MTX2: variants seen among roughly 807,000 people sequenced by gnomAD.
MTX2 encodes metaxin-2.
Under a neutral mutation model 42.3 loss-of-function variants are expected in MTX2, and 35 were observed. The observed-to-expected ratio is 0.83, with a 90% CI of 0.63 to 1.10. The LOEUF (loss-of-function observed/expected upper bound fraction) is 1.10. MTX2 is among the 50% of genes least tolerant of loss of function. The pLI is 0.00. For missense variants in MTX2, 307 were observed against 304.1 expected (o/e 1.01, Z -0.07); for synonymous variants, 119 against 100.9 (o/e 1.18, Z -1.08).
chr2:176,321,707 C>G (rs1013577352), intron 3 of MTX2, among the ~76,000 whole-genome samples: 3 of 152,086 alleles, frequency 2.0e-5, no homozygotes, highest in Admixed American at 6.6e-5. Context: ...AAGAAACTTC[C>G]CAGCAGTTGT....
chr2:176,298,345 T>C (rs1248884170), intron 3 of MTX2, among the ~76,000 whole-genome samples: 1 of 152,142 alleles, frequency 6.6e-6, no homozygotes, highest in African/African-American at 2.4e-5. Flanking sequence ...GGTAATCCTG[T>C]AGCAATGTTC....
intron 1 of MTX2, chr2:176,270,234 A>T (rs1002115499): frequency 1.9e-6 from 1 of 526,794 alleles, no homozygotes; most frequent in Non-Finnish European, 3.0e-6. Flanking sequence ...GCAGTGGCAC[A>T]ACCTGGGCTC....
At position 176,320,817 on chromosome 2, in the gene MTX2, C is replaced by CTT. The variant is rs374975554; in HGVS notation, c.136-2574_136-2573dup. Among the ~76,000 whole-genome samples, 262 of 151,748 alleles carry CTT rather than the reference C, an allele frequency of 1.7e-3. 2 individuals are homozygous for CTT. Among genetic ancestry groups the CTT allele is most frequent in the African/African-American group, 5.8e-3 (238 of 41,382 alleles). ...TCAAGCAATCTTCCCACCTCAGCCTCTTGAGTAGCTGAGACTAAAGGTGTG... is the reference window on the plus strand; with the variant it reads ...TCAAGCAATCTTCCCACCTCAGCCTCTTTTGAGTAGCTGAGACTAAAGGTGTG... On this transcript the variant is annotated intron_variant, in intron 3 of 9. Coordinates refer to ENST00000249442, the MANE Select transcript of MTX2 (RefSeq NM_006554.5).
intron 9 of MTX2, among the ~76,000 whole-genome samples, chr2:176,335,353 G>A (rs1558947662): frequency 6.6e-6 from 1 of 152,062 alleles, no homozygotes; most frequent in Non-Finnish European, 1.5e-5. Flanking sequence ...GCAGGCAGAG[G>A]CCAGATTATC....
chr2:176,291,905 G>A (rs1693337714), intron 1 of MTX2, among the ~76,000 whole-genome samples: 1 of 152,138 alleles, frequency 6.6e-6, no homozygotes, highest in Non-Finnish European at 1.5e-5. Flanking sequence ...GAGAGTCAAG[G>A]TTAGGGATGT....
chr2:176,320,651 A>G (rs560167496), intron 3 of MTX2, among the ~76,000 whole-genome samples: 1 of 151,906 alleles, frequency 6.6e-6, no homozygotes, highest in African/African-American at 2.4e-5. Context: ...TGACAAAAAC[A>G]GATCTCTCCA....
Position 176,308,600 on chromosome 2 carries a change from T to C in MTX2, c.135+10705T>C, listed in dbSNP as rs1027745011. 5.3e-5 allele frequency among the ~76,000 whole-genome samples: 8 copies of C among 152,344 alleles called. No homozygotes were observed. The South Asian group carries it at 1.7e-3, about 32-fold the overall frequency. On this transcript the variant is annotated intron_variant, in intron 3 of 9. Transcript: ENST00000249442. ...TATTGGTCTATTCAGAGATTCAGCT[T>C]CTTCCTGGTTTAGTCTTGGGAGGGT...
At chr2:176,314,064 A>G (rs952322588) in intron 3 of MTX2, among the ~76,000 whole-genome samples, 4 of 151,892 alleles carry the variant, frequency 2.6e-5, no homozygotes, top group African/African-American at 9.7e-5. Context: ...TTTTAACTTA[A>G]TGCAGTTAAA....
intron 4 of MTX2, among the ~76,000 whole-genome samples, chr2:176,324,775 A>G (rs534877574): frequency 6.6e-6 from 1 of 151,856 alleles, no homozygotes; most frequent in African/African-American, 2.4e-5. Context: ...TAAATATTCT[A>G]GAGACATACA....
intron 1 of MTX2, among the ~76,000 whole-genome samples, chr2:176,280,377 G>C (rs1364167922): frequency 6.6e-6 from 1 of 152,192 alleles, no homozygotes; most frequent in Non-Finnish European, 1.5e-5. Context: ...CTTCAGATGA[G>C]TCAACATTTT....
chr2:176,313,388 C>CTTTTTTTTTTTTTTTTTTTT (rs1207416607), intron 3 of MTX2, among the ~76,000 whole-genome samples: 3 of 103,492 alleles, frequency 2.9e-5, no homozygotes, highest in African/African-American at 1.2e-4. Flanking sequence ...TACACTGATT[C>CTTTTTTTTTTTTTTTTTTTT]TTTTTTTTTT....
chr2:176,337,243 C>T (rs1310011161), intron 9 of MTX2, among the ~76,000 whole-genome samples: 1 of 152,062 alleles, frequency 6.6e-6, no homozygotes, highest in Non-Finnish European at 1.5e-5. Flanking sequence ...GGTTTTGCCA[C>T]ATTGTTCAGG....
chr2:176,271,484 C>T (rs1252785250), intron 1 of MTX2, among the ~76,000 whole-genome samples: 1 of 152,014 alleles, frequency 6.6e-6, no homozygotes, highest in Non-Finnish European at 1.5e-5. Context: ...GAATCAAGGA[C>T]AAAGGATTGG....
intron 1 of MTX2, among the ~76,000 whole-genome samples, chr2:176,279,844 A>G (rs1558923993): frequency 6.6e-6 from 1 of 152,122 alleles, no homozygotes; most frequent in African/African-American, 2.4e-5. Context: ...ATATAAAATA[A>G]TTTTAATATT....
intron 1 of MTX2, among the ~76,000 whole-genome samples, chr2:176,292,148 T>C (rs149403559): frequency 6.6e-6 from 1 of 152,006 alleles, no homozygotes; most frequent in East Asian, 1.9e-4. Flanking sequence ...TTTAGAAACT[T>C]TCAGTCTCAC....
intron 9 of MTX2, among the ~76,000 whole-genome samples, chr2:176,337,241 C>T (rs1685012611): frequency 1.3e-5 from 2 of 152,038 alleles, no homozygotes; most frequent in South Asian, 4.2e-4. Context: ...GAGGTTTTGC[C>T]ACATTGTTCA....
intron 3 of MTX2, among the ~76,000 whole-genome samples, chr2:176,321,744 A>G (rs1032147567): frequency 1.3e-5 from 2 of 152,106 alleles, no homozygotes; most frequent in Non-Finnish European, 2.9e-5. Flanking sequence ...AGTTGGCCAT[A>G]CCCAGTTGTA....
intron 9 of MTX2, among the ~76,000 whole-genome samples, chr2:176,336,814 G>A (rs1684996367): frequency 6.6e-6 from 1 of 151,988 alleles, no homozygotes; most frequent in African/African-American, 2.4e-5. Context: ...TTCTTACGTG[G>A]CTTTTTTCTT....
At chr2:176,305,211 A>G (rs1032585993) in intron 3 of MTX2, among the ~76,000 whole-genome samples, 3 of 152,062 alleles carry the variant, frequency 2.0e-5, no homozygotes, top group African/African-American at 4.8e-5. Context: ...TTGAGTTACT[A>G]TTAGTTAATT....
Sources: allele counts gnomAD v4.1 joint callset (sites outside exome capture counted in the v4.1 genomes callset), GRCh38; gene constraint gnomAD v4.1.1; transcripts MANE v1.5; gene names NCBI Gene and HGNC (gene_info 2026-07-23, HGNC 2026-07-21).